Variants in TBC1D3G observed in about 807,000 individuals in gnomAD.
The protein encoded by TBC1D3G is TBC1 domain family member-like.
chr17:36,326,084 T>TGAGGG (rs1487765906), intron 3 of TBC1D3G, among the ~76,000 whole-genome samples: 57 of 47,294 alleles, frequency 1.2e-3, no homozygotes, highest in African/African-American at 3.5e-3. Flanking sequence ...GGCCACAGGG[T>TGAGGG]GAGGGGACGC....
the TBC1D3G span, among the ~76,000 whole-genome samples, chr17:36,318,435 C>CAAAAAAAAAAAAAAAAA: frequency 1.8e-3 from 19 of 10,438 alleles, 3 homozygotes; most frequent in African/African-American, 3.6e-3. Flanking sequence ...GACTTTGTCT[C>CAAAAAAAAAAAAAAAAA]AAAAAAAAAA....
chr17:36,317,798 T>A, the TBC1D3G span, among the ~76,000 whole-genome samples: 1 of 142,022 alleles, frequency 7.0e-6, no homozygotes, highest in Non-Finnish European at 1.5e-5. Context: ...ATTCAACTCA[T>A]TAGTGAGTGG....
chr17:36,323,546 G>GCTCACCC, upstream of TBC1D3G, among the ~76,000 whole-genome samples: 8 of 104,026 alleles, frequency 7.7e-5, no homozygotes, highest in Non-Finnish European at 1.1e-4. Context: ...CCTGGGCAGG[G>GCTCACCC]AGGGCTGAGG....
intron 3 of TBC1D3G, among the ~76,000 whole-genome samples, chr17:36,326,487 C>A (rs1207774560): frequency 1.5e-5 from 1 of 65,226 alleles, no homozygotes; most frequent in Non-Finnish European, 3.5e-5. Flanking sequence ...GGCTCGGGTG[C>A]AGGGAGAGGC....
At chr17:36,327,499 TG>T in intron 4 of TBC1D3G, 37 bp from the exon 5 acceptor site, 1 of 1,299,292 alleles carries the variant, frequency 7.7e-7, no homozygotes, top group Non-Finnish European at 9.7e-7. Flanking sequence ...CTGGGAAGCC[TG>T]GCAGCTCCGC....
intron 3 of TBC1D3G, among the ~76,000 whole-genome samples, chr17:36,326,312 TAA>T (rs1491149728): frequency 3.9e-5 from 5 of 126,968 alleles, no homozygotes; most frequent in Non-Finnish European, 7.0e-5. Flanking sequence ...GGCTCGCGGC[TAA>T]AGACCTGGGT....
At chr17:36,318,453 A>AAAAAAAAAAAAAAAAAAAAAAAAAG in the TBC1D3G span, among the ~76,000 whole-genome samples, 1 of 119,402 alleles carries the variant, frequency 8.4e-6, no homozygotes, top group Non-Finnish European at 1.9e-5. Context: ...AAAAAAAAAA[A>AAAAAAAAAAAAAAAAAAAAAAAAAG]AAAAAAAAAA....
chr17:36,322,138 GCTTCCC>G (rs2069370403), upstream of TBC1D3G, among the ~76,000 whole-genome samples: 12 of 146,736 alleles, frequency 8.2e-5, no homozygotes, highest in African/African-American at 2.4e-5. Context: ...GAAGGTGCCT[GCTTCCC>G]CTTCCCCTTC....
chr17:36,317,695 A>G, the TBC1D3G span, among the ~76,000 whole-genome samples: 42 of 149,508 alleles, frequency 2.8e-4, 1 homozygote, highest in African/African-American at 1.0e-3. Context: ...ATATTCCATA[A>G]GTGCTTAAAC....
At chr17:36,326,334 G>A (rs1188262762) in intron 3 of TBC1D3G, among the ~76,000 whole-genome samples, 1 of 129,990 alleles carries the variant, frequency 7.7e-6, no homozygotes, top group Non-Finnish European at 1.7e-5. Context: ...TCTGGTGCTG[G>A]GAAGGGATCT....
chr17:36,330,587 CG>C lies in TBC1D3G; in HGVS notation c.667+23del. On this transcript the variant is annotated intron_variant, in intron 9 of 13. Coordinates refer to ENST00000569055, the MANE Select transcript of TBC1D3G (RefSeq NM_001291462.2). ...CTGCAGGGTAAGTGAACAGCTGCCC[CG>C]GGGACCTCCTGCAGCCAGACCTGGG... is the stretch of plus-strand genomic sequence containing the variant. 4.2e-6 allele frequency: 1 copy of C among 239,412 alleles called. No individual in the cohort carries two copies. Among genetic ancestry groups the C allele is most frequent in the Non-Finnish European group, 7.3e-6 (1 of 137,738 alleles). The allele number at this position is 239,412 out of a possible 1,614,324, so 14.8% of individuals were successfully genotyped here.
chr17:36,318,579 T>TGCG, the TBC1D3G span: 1 of 96,636 alleles, frequency 1.0e-5, no homozygotes, highest in Admixed American at 1.2e-4. Context: ...GTGAGTTCTT[T>TGCG]GCGAAATGTT....
the TBC1D3G span, among the ~76,000 whole-genome samples, chr17:36,316,720 AG>A: frequency 2.2e-5 from 1 of 45,194 alleles, no homozygotes; most frequent in African/African-American, 4.6e-5. Flanking sequence ...AAATTTTAGT[AG>A]GGGAAATGTG....
chr17:36,325,600 C>CA, intron 2 of TBC1D3G, 46 bp from the exon 3 acceptor site: 1 of 5,910 alleles, frequency 1.7e-4, no homozygotes, highest in Admixed American at 4.5e-4. Flanking sequence ...CAGGCCCTTG[C>CA]ACCCTTTACC....
At chr17:36,332,582 G>A (rs1172109259) in intron 12 of TBC1D3G, among the ~76,000 whole-genome samples, 178 bp from the exon 13 acceptor site, 9 of 123,218 alleles carry the variant, frequency 7.3e-5, no homozygotes, top group African/African-American at 2.5e-4. Context: ...TCGAGAGTGT[G>A]GTGAGCACTT....
the TBC1D3G span, among the ~76,000 whole-genome samples, chr17:36,316,653 AT>A: frequency 3.8e-5 from 4 of 104,520 alleles, no homozygotes; most frequent in East Asian, 2.7e-4. Context: ...GTACCAAATA[AT>A]TTTTTTGCTT....
At chr17:36,318,097 C>G in the TBC1D3G span, among the ~76,000 whole-genome samples, 1 of 73,188 alleles carries the variant, frequency 1.4e-5, no homozygotes, top group Non-Finnish European at 2.4e-5. Context: ...ATTGCTTGAG[C>G]CCCGGTGTTC....
At chr17:36,318,472 A>G in the TBC1D3G span, among the ~76,000 whole-genome samples, 173 of 103,966 alleles carry the variant, frequency 1.7e-3, no homozygotes, top group African/African-American at 5.2e-3. Flanking sequence ...AAAAAAAAAA[A>G]AAAGAAAGGA....
At chr17:36,316,529 C>T in the TBC1D3G span, among the ~76,000 whole-genome samples, 2 of 17,664 alleles carry the variant, frequency 1.1e-4, no homozygotes, top group East Asian at 1.7e-3. Context: ...GAAACTCCAT[C>T]TCAAAAAAAA....
Sources: allele counts gnomAD v4.1 joint callset (sites outside exome capture counted in the v4.1 genomes callset), GRCh38; gene constraint gnomAD v4.1.1; transcripts MANE v1.5; gene names NCBI Gene and HGNC (gene_info 2026-07-23, HGNC 2026-07-21).